APOBEC3B: variants seen among roughly 807,000 people sequenced by gnomAD.
APOBEC3B encodes DNA dC->dU-editing enzyme APOBEC-3B.
Under a neutral mutation model 53.4 loss-of-function variants are expected in APOBEC3B, and 29 were observed. That is an observed-to-expected ratio of 0.54 (90% CI 0.40 to 0.74). The LOEUF is 0.74. Ranked by LOEUF, APOBEC3B falls within the 30% of genes least tolerant of loss-of-function variation. The probability of loss-of-function intolerance (pLI) is 0.00; values close to 1 mark genes in which losing one functional copy is unlikely to be tolerated. For synonymous variants in APOBEC3B, 132 were observed against 184.8 expected (o/e 0.71, Z 2.32); for missense variants, 347 against 496.2 (o/e 0.70, Z 2.86).
At position 38,988,021 on chromosome 22, in the gene APOBEC3B, C is replaced by T. The variant is rs189981494; in HGVS notation, c.570-1436C>T. Among the ~76,000 whole-genome samples the T allele has an allele frequency of 8.1e-5, 12 of 148,598 alleles. 2 individuals carry two copies. The South Asian group carries it at 8.9e-4, about 11-fold the overall frequency. ...GCTGAAGCAGGAGAATCGCTTGAACCCGGGAGGGACAGCAGTGCTGGTCAC... is the reference window on the plus strand; with the variant it reads ...GCTGAAGCAGGAGAATCGCTTGAACTCGGGAGGGACAGCAGTGCTGGTCAC... On this transcript the variant is annotated intron_variant, in intron 4 of 7. Transcript: ENST00000333467.
rs763817137 is a variant in APOBEC3B, at chr22:38,986,299, A to G, written c.456A>G (p.Glu152=). 2 of 1,592,986 alleles carry G rather than the reference A, an allele frequency of 1.3e-6. No homozygotes were observed. Among genetic ancestry groups the G allele is most frequent in the African/African-American group, 2.7e-5 (2 of 74,174 alleles). ...CTGCTTCCCGCTTCTTCATCTCAGA[A>G]TTTGCATACTGCTGGGAAAACTTTG... ...GARVTIMDYE[E]FAYCWENFVY... Residue 152 remains glutamate, a splice_region_variant and synonymous_variant, in exon 4 of 8, where the codon GAA becomes GAG. Coordinates refer to ENST00000333467, the MANE Select transcript of APOBEC3B (RefSeq NM_004900.5).
chr22:38,982,550 C>T (rs1448835683), intron 1 of APOBEC3B, 80 bp downstream of exon 1: 1 of 1,519,156 alleles, frequency 6.6e-7, no homozygotes, highest in African/African-American at 1.4e-5. Context: ...ACCCTGGCCT[C>T]CCCCCGCCCC....
At position 38,991,634 on chromosome 22, in the gene APOBEC3B, T is replaced by C; in HGVS notation, c.1018+8T>C. On this transcript the variant is annotated splice_region_variant and intron_variant, in intron 6 of 7. Transcript: ENST00000333467. Reference sequence around the variant, plus strand: ...CCATCATGACCTACGATGGTAAGAATGGAAGGTTCAGGTGGGGTGGGGTGG... The same window carrying C: ...CCATCATGACCTACGATGGTAAGAACGGAAGGTTCAGGTGGGGTGGGGTGG... 7.1e-7 allele frequency: 1 copy of C among 1,406,030 alleles called. No homozygotes were observed. Among genetic ancestry groups the C allele is most frequent in the Non-Finnish European group, 9.6e-7 (1 of 1,039,188 alleles). The allele number at this position is 1,406,030 out of a possible 1,614,324, so 87.1% of individuals were successfully genotyped here.
intron 1 of APOBEC3B, among the ~76,000 whole-genome samples, chr22:38,983,299 C>T (rs1923605527): frequency 6.8e-6 from 1 of 146,028 alleles, no homozygotes; most frequent in African/African-American, 2.5e-5. Context: ...GCCTGGGCGA[C>T]AGAGTGAGAC....
chr22:38,987,445 C>G (rs1028503196), intron 4 of APOBEC3B, among the ~76,000 whole-genome samples: 3 of 148,646 alleles, frequency 2.0e-5, no homozygotes, highest in Non-Finnish European at 4.5e-5. Context: ...CACCGCTGGG[C>G]TGGTGCTCCC....
intron 5 of APOBEC3B, among the ~76,000 whole-genome samples, chr22:38,990,170 C>G (rs1325917946): frequency 1.3e-5 from 2 of 148,220 alleles, no homozygotes; most frequent in Non-Finnish European, 1.5e-5. Flanking sequence ...TGGCCCCTAC[C>G]CAGCACAGCC....
At chr22:38,983,951 C>T in intron 1 of APOBEC3B, 124 bp from the exon 2 acceptor site, 3 of 1,176,524 alleles carry the variant, frequency 2.5e-6, no homozygotes, top group Non-Finnish European at 3.5e-6. Context: ...AGCAGAAATT[C>T]TCAGGGCTGT....
In APOBEC3B at chr22:38,982,564, C is replaced by A; in HGVS notation, c.17+94C>A. 1.3e-6 allele frequency: 2 copies of A among 1,482,478 alleles called. 1 individual carries two copies. Among genetic ancestry groups the A allele is most frequent in the South Asian group, 2.4e-5 (2 of 84,474 alleles). 91.8% of individuals were successfully genotyped at this position (1,482,478 alleles called of 1,614,324 possible). ...AACCCTGGCCTCCCCCCGCCCCTGCCCCAGCCCTGGGCTCCCTCCCCTCTG... is the reference window on the plus strand; with the variant it reads ...AACCCTGGCCTCCCCCCGCCCCTGCACCAGCCCTGGGCTCCCTCCCCTCTG... On this transcript the variant is annotated intron_variant, in intron 1 of 7. Transcript: ENST00000333467.
intron 1 of APOBEC3B, 84 bp from the exon 2 acceptor site, chr22:38,983,991 T>C (rs117739457): frequency 0.08 from 117,791 of 1,468,380 alleles, 10,466 homozygotes; most frequent in Non-Finnish European, 0.091. Context: ...AGGGCCATCC[T>C]GGGAGCTGTG....
At chr22:38,988,687 T>TTTCTCTCTCTCTCTCTCTCTCTCTC (rs1491021212) in intron 4 of APOBEC3B, among the ~76,000 whole-genome samples, 1 of 45,194 alleles carries the variant, frequency 2.2e-5, no homozygotes, top group African/African-American at 9.2e-5. Context: ...CTCTTTCTCT[T>TTTCTCTCTCTCTCTCTCTCTCTCTC]TCTTTCTTTC....
intron 2 of APOBEC3B, among the ~76,000 whole-genome samples, chr22:38,984,923 A>C (rs1263009665): frequency 9.9e-6 from 1 of 100,674 alleles, no homozygotes; most frequent in Non-Finnish European, 1.8e-5. Flanking sequence ...TTTTTCCGAG[A>C]TGGAGTCTCG....
In APOBEC3B at chr22:38,984,501, G is replaced by C. The variant is rs1347979797; in HGVS notation, c.174+270G>C. Among the ~76,000 whole-genome samples, 3 of 149,006 alleles carry C rather than the reference G, an allele frequency of 2.0e-5. No individual in the cohort carries two copies. In the South Asian group the frequency reaches 6.6e-4, roughly 33 times the overall value. On this transcript the variant is annotated intron_variant, in intron 2 of 7. Transcript: ENST00000333467. The stretch of plus-strand genomic sequence containing the variant: ...CATAACTTGGGGCCTTCTATAGCTG[G>C]TGGCCTTGCAGCTACATCAAAAGGA...
At position 38,989,608 on chromosome 22, in the gene APOBEC3B, G is replaced by T; in HGVS notation, c.721G>T (p.Glu241Ter). ...MDQHMGFLCN[E>*]AKNLLCGFYG... ...CCAGCACATGGGCTTTCTATGCAAC[G>T]AGGTGACCGACCCAGCCACCTGCAT... Residue 241 changes from glutamate to a stop codon, truncating the protein, a stop_gained and splice_region_variant, in exon 5 of 8, where the codon GAG becomes TAG. Coordinates refer to ENST00000333467, the MANE Select transcript of APOBEC3B (RefSeq NM_004900.5). LOFTEE classifies it high-confidence loss of function. 6.4e-7 allele frequency: 1 copy of T among 1,565,886 alleles called. No homozygotes were observed. The highest frequency in any genetic ancestry group is 8.7e-7 in the Non-Finnish European group (1 of 1,154,090).
chr22:38,986,231 G>A, intron 3 of APOBEC3B, 67 bp from the exon 4 acceptor site: 1 of 1,588,082 alleles, frequency 6.3e-7, no homozygotes. Context: ...ACAGCCAGGA[G>A]ACCAGGCCTG....
intron 6 of APOBEC3B, 133 bp downstream of exon 6, chr22:38,991,759 T>C: frequency 7.7e-7 from 1 of 1,297,834 alleles, no homozygotes; most frequent in Non-Finnish European, 1.0e-6. Context: ...TTGGGGTCGA[T>C]GGGAAGAGAG....
Position 38,983,695 on chromosome 22 carries a change from C to T in APOBEC3B, c.18-380C>T, listed in dbSNP as rs184297864. 7.5e-4 allele frequency among the ~76,000 whole-genome samples: 112 copies of T among 149,246 alleles called. 7 individuals carry two copies. Among genetic ancestry groups the T allele is most frequent in the Admixed American group, 2.5e-3 (36 of 14,594 alleles). On this transcript the variant is annotated intron_variant, in intron 1 of 7. Transcript: ENST00000333467. ...CCATGATTTTAAAATAATGTTAACA[C>T]GCAGAGTGAAACATCAGGAAGGAAT...
chr22:38,990,775 AG>A (rs1923960202), intron 5 of APOBEC3B, among the ~76,000 whole-genome samples: 1 of 145,810 alleles, frequency 6.9e-6, no homozygotes, highest in Non-Finnish European at 1.5e-5. Context: ...CTCCCCTTGA[AG>A]GAAGCACACT....
Position 38,990,083 on chromosome 22 carries a change from G to A in APOBEC3B, c.723+473G>A, listed in dbSNP as rs868055803. On this transcript the variant is annotated intron_variant, in intron 5 of 7. Coordinates refer to ENST00000333467, the MANE Select transcript of APOBEC3B (RefSeq NM_004900.5). The stretch of plus-strand genomic sequence containing the variant: ...GATGCAAAGATGGCCAGCAGTTGGG[G>A]AAGAACTGGGCCAGGAAAGGCTGAG... Among the ~76,000 whole-genome samples, 4 of 149,240 alleles carry A rather than the reference G, an allele frequency of 2.7e-5. No homozygotes were observed. The South Asian group carries it at 6.5e-4, about 24-fold the overall frequency.
chr22:38,989,670 A>T, intron 5 of APOBEC3B, 60 bp downstream of exon 5: 1 of 1,464,088 alleles, frequency 6.8e-7, no homozygotes, highest in East Asian at 2.7e-5. Context: ...ACACTCATAG[A>T]TAGAAGGTTC....
Sources: allele counts gnomAD v4.1 joint callset (sites outside exome capture counted in the v4.1 genomes callset), GRCh38; gene constraint gnomAD v4.1.1; transcripts MANE v1.5; gene names NCBI Gene and HGNC (gene_info 2026-07-23, HGNC 2026-07-21).